The following ELOVL4 variants were observed in gnomAD, a reference collection of about 807,000 sequenced individuals.
The protein encoded by ELOVL4 is ELOVL fatty acid elongase 4.
In ELOVL4, 18 loss-of-function variants were observed where a neutral mutation model predicts 42.1. The ratio of observed to expected loss-of-function variants is 0.43; its 90% CI spans 0.30 to 0.63. The LOEUF (loss-of-function observed/expected upper bound fraction) is 0.63. ELOVL4 is among the 30% of genes least tolerant of loss of function. The probability of loss-of-function intolerance (pLI) is 0.15; values close to 1 mark genes in which losing one functional copy is unlikely to be tolerated. For missense variants in ELOVL4, 299 were observed against 376.2 expected, an observed-to-expected ratio of 0.79 and a Z score of 1.70; for synonymous variants, 117 against 127.0, an observed-to-expected ratio of 0.92 and a Z score of 0.53.
chr6:79,922,765 A>G (rs770276794), intron 3 of ELOVL4, among the ~76,000 whole-genome samples: 9 of 152,188 alleles, frequency 5.9e-5, no homozygotes, highest in Admixed American at 1.3e-4. Flanking sequence ...GGTATATGTC[A>G]TGAGATTTTT....
intron 1 of ELOVL4, among the ~76,000 whole-genome samples, chr6:79,942,451 T>C (rs1164359810): frequency 6.6e-6 from 1 of 152,224 alleles, no homozygotes; most frequent in African/African-American, 2.4e-5. Context: ...TGCTAATATA[T>C]GCCTAATTCA....
intron 5 of ELOVL4, 131 bp from the exon 6 acceptor site, chr6:79,917,014 G>T: frequency 1.1e-6 from 1 of 922,888 alleles, no homozygotes; most frequent in Non-Finnish European, 1.7e-6. Flanking sequence ...TTGTTTTCTG[G>T]CTCCCATGGC....
chr6:79,925,080 C>A (rs1374972475), intron 2 of ELOVL4, 48 bp from the exon 3 acceptor site: 1 of 1,158,228 alleles, frequency 8.6e-7, no homozygotes, highest in Admixed American at 1.7e-5. Flanking sequence ...GTAAACACAG[C>A]ATTAAAAACA....
chr6:79,942,185 G>C (rs17239120), intron 1 of ELOVL4, among the ~76,000 whole-genome samples: 9,464 of 152,230 alleles, frequency 0.062, 396 homozygotes, highest in South Asian at 0.11. Flanking sequence ...CAGTTGGCTA[G>C]AGCTGCAGGT....
chr6:79,934,170 C>G (rs181702090), intron 1 of ELOVL4, among the ~76,000 whole-genome samples: 81 of 152,140 alleles, frequency 5.3e-4, no homozygotes, highest in Non-Finnish European at 9.0e-4. Flanking sequence ...GACAATCACA[C>G]CAGAGTTTGA....
In ELOVL4 at chr6:79,916,371, T is replaced by G; in HGVS notation, c.*237A>C. On this transcript the variant is annotated 3_prime_UTR_variant, in exon 6 of 6. Coordinates refer to ENST00000369816, the MANE Select transcript of ELOVL4 (RefSeq NM_022726.4). ...TCCCCAAAGTCACTTAATGATTGCT[T>G]TGGTCTGGAGAATATCAAGGCTAAT... 1 of 506,402 alleles carries G rather than the reference T, an allele frequency of 2.0e-6. No homozygotes were observed. Among genetic ancestry groups the G allele is most frequent in the Non-Finnish European group, 3.5e-6 (1 of 284,262 alleles). 31.4% of individuals were successfully genotyped at this position (506,402 alleles called of 1,614,324 possible). A position where few individuals can be genotyped will look rare whatever the true frequency, so the allele number is the denominator to read the frequency against.
intron 1 of ELOVL4, 141 bp from the exon 2 acceptor site, chr6:79,926,522 A>C: frequency 3.7e-6 from 3 of 810,576 alleles, no homozygotes; most frequent in East Asian, 5.3e-5. Context: ...CCAACAAAAA[A>C]TACATGGTAT....
At chr6:79,917,505 C>A (rs371677141) in intron 5 of ELOVL4, among the ~76,000 whole-genome samples, 1 of 152,090 alleles carries the variant, frequency 6.6e-6, no homozygotes, top group Non-Finnish European at 1.5e-5. Flanking sequence ...TTTATTTGAA[C>A]GAACACTATC....
At chr6:79,928,727 G>GTTTTTTTTTTTTTTT in intron 1 of ELOVL4, among the ~76,000 whole-genome samples, 1 of 75,582 alleles carries the variant, frequency 1.3e-5, no homozygotes, top group East Asian at 3.5e-4. Flanking sequence ...TGGTGACTGG[G>GTTTTTTTTTTTTTTT]TTTTTTTTTT....
intron 1 of ELOVL4, among the ~76,000 whole-genome samples, chr6:79,939,217 G>T (rs1434245303): frequency 6.6e-6 from 1 of 151,954 alleles, no homozygotes; most frequent in Non-Finnish European, 1.5e-5. Context: ...TTTTACCATT[G>T]AGCACTAAAG....
chr6:79,916,500 G>A lies in ELOVL4; in HGVS notation c.*108C>T. ...AGTTACTAGGACATAGAGCACATTT[G>A]TCTTTTCTCCCCACCCCCAAGCTCT... is the stretch of plus-strand genomic sequence containing the variant. On this transcript the variant is annotated 3_prime_UTR_variant, in exon 6 of 6. Transcript: ENST00000369816. 3 of 1,310,004 alleles carry A rather than the reference G, an allele frequency of 2.3e-6. No homozygotes were observed. The African/African-American group carries it at 4.4e-5, about 19-fold the overall frequency. 81.1% of individuals were successfully genotyped at this position (1,310,004 alleles called of 1,614,324 possible).
chr6:79,924,287 A>G (rs538638422), intron 3 of ELOVL4, among the ~76,000 whole-genome samples: 1 of 152,280 alleles, frequency 6.6e-6, no homozygotes, highest in East Asian at 1.9e-4. Context: ...CTTTCTTAAC[A>G]CATAACTTGG....
Position 79,916,689 on chromosome 6 carries a change from T to C in ELOVL4, c.864A>G (p.Ala288=). ...GTTTTTCTGATTTGCTCACACCATT[T>C]GCTGAAATACCATTCATGGCTGTTT... ...AGKTAMNGIS[A]NGVSKSEKQL... The change falls in exon 6 of 6, where the codon GCA becomes GCG. Residue 288 remains alanine, a synonymous_variant. Transcript: ENST00000369816. 6.2e-7 allele frequency: 1 copy of C among 1,614,226 alleles called. No individual in the cohort carries two copies. The highest frequency in any genetic ancestry group is 8.5e-7 in the Non-Finnish European group (1 of 1,180,044).
intron 1 of ELOVL4, among the ~76,000 whole-genome samples, chr6:79,945,181 A>AATG (rs890321985): frequency 6.6e-6 from 1 of 152,086 alleles, no homozygotes; most frequent in African/African-American, 2.4e-5. Flanking sequence ...CTGCCTACAT[A>AATG]AGGTAGCTCA....
chr6:79,926,441 C>T, intron 1 of ELOVL4, 60 bp from the exon 2 acceptor site: 1 of 1,504,268 alleles, frequency 6.6e-7, no homozygotes, highest in Non-Finnish European at 9.1e-7. Flanking sequence ...ATAAAATACA[C>T]TTTTTAGGAA....
intron 3 of ELOVL4, among the ~76,000 whole-genome samples, chr6:79,924,357 TTAAAA>T (rs1280014679): frequency 6.6e-6 from 1 of 152,180 alleles, no homozygotes; most frequent in African/African-American, 2.4e-5. Flanking sequence ...AATAATGTCT[TTAAAA>T]TAAACATGAG....
At chr6:79,933,601 G>C (rs1325110731) in intron 1 of ELOVL4, among the ~76,000 whole-genome samples, 2 of 152,114 alleles carry the variant, frequency 1.3e-5, no homozygotes, top group African/African-American at 4.8e-5. Context: ...TATGTCAAGA[G>C]GCAGGAAAAC....
At position 79,947,232 on chromosome 6, in the gene ELOVL4, G is replaced by A; in HGVS notation, c.48C>T (p.Ser16=). ...ACTCTACCGTGTCGTTGAGTGCCGT[G>A]GACACTACGTTTAGGACACTACCCG... ...SEPGSVLNVV[S]TALNDTVEFY... Residue 16 remains serine, a synonymous_variant, in exon 1 of 6, where the codon TCC becomes TCT. Coordinates refer to ENST00000369816, the MANE Select transcript of ELOVL4 (RefSeq NM_022726.4). The A allele has an allele frequency of 1.2e-6, 2 of 1,613,240 alleles. No homozygotes were observed. The highest frequency in any genetic ancestry group is 1.7e-5 in the Admixed American group (1 of 59,972).
At chr6:79,935,963 G>C (rs1774534992) in intron 1 of ELOVL4, among the ~76,000 whole-genome samples, 1 of 152,118 alleles carries the variant, frequency 6.6e-6, no homozygotes. Flanking sequence ...TACTAAATCA[G>C]AATCTGCATT....
Sources: allele counts gnomAD v4.1 joint callset (sites outside exome capture counted in the v4.1 genomes callset), GRCh38; gene constraint gnomAD v4.1.1; transcripts MANE v1.5; gene names NCBI Gene and HGNC (gene_info 2026-07-23, HGNC 2026-07-21).